FAM81A: variants seen among roughly 807,000 people sequenced by gnomAD.
FAM81A encodes the protein family with sequence similarity 81 member A, also known as protein FAM81A.
FAM81A carries 19 observed loss-of-function variants against 46.7 expected under a neutral mutation model. The ratio of observed to expected loss-of-function variants is 0.41; its 90% confidence interval spans 0.28 to 0.60. The LOEUF is 0.60. Ranked by LOEUF, FAM81A falls within the 20% of genes least tolerant of loss-of-function variation. FAM81A has a pLI of 0.34. For missense variants in FAM81A, 377 were observed against 453.5 expected, an observed-to-expected ratio of 0.83 and a Z score of 1.53; for synonymous variants, 183 against 152.9, an observed-to-expected ratio of 1.20 and a Z score of -1.45.
At chr15:59,435,572 A>G (rs547162485), upstream of FAM81A, among the ~76,000 whole-genome samples, 2 of 152,336 alleles carry the variant, frequency 1.3e-5, no homozygotes, top group African/African-American at 2.4e-5. Context: ...GTGAGCCAAG[A>G]TCGAGAGCCT....
chr15:59,451,387 G>T (rs1183245656), intron 1 of FAM81A, among the ~76,000 whole-genome samples: 1 of 152,062 alleles, frequency 6.6e-6, no homozygotes, highest in Non-Finnish European at 1.5e-5. Flanking sequence ...GGAGCCTAAT[G>T]CATCCCCCTC....
intron 1 of FAM81A, among the ~76,000 whole-genome samples, chr15:59,455,940 C>G (rs2081478120): frequency 6.6e-6 from 1 of 152,182 alleles, no homozygotes; most frequent in South Asian, 2.1e-4. Flanking sequence ...AAGTGCTGGG[C>G]ATTCACTCAT....
upstream of FAM81A, among the ~76,000 whole-genome samples, chr15:59,435,915 G>T (rs1329717602): frequency 1.3e-5 from 2 of 152,180 alleles, no homozygotes. Context: ...TAGGGAAAGA[G>T]TTGGAAAGAA....
intron 1 of FAM81A, among the ~76,000 whole-genome samples, chr15:59,442,342 G>C (rs2081307263): frequency 6.6e-6 from 1 of 152,142 alleles, no homozygotes; most frequent in African/African-American, 2.4e-5. Context: ...GCCAGGTACA[G>C]TGGCTCATGC....
chr15:59,427,177 C>G (rs1429893760), intron 2 of FAM81A, among the ~76,000 whole-genome samples: 1 of 152,176 alleles, frequency 6.6e-6, no homozygotes, highest in Non-Finnish European at 1.5e-5. Flanking sequence ...GTGGCCTGAT[C>G]TCGGCTCACT....
chr15:59,503,580 A>AT (rs112530066), intron 4 of FAM81A, among the ~76,000 whole-genome samples: 7,330 of 145,520 alleles, frequency 0.05, 218 homozygotes, highest in African/African-American at 0.077. Context: ...TTTAGCCACT[A>AT]TTTTTTTTTT....
chr15:59,507,146 A>G (rs1319447027), intron 4 of FAM81A, 67 bp from the exon 5 acceptor site: 3 of 1,543,374 alleles, frequency 1.9e-6, no homozygotes, highest in African/African-American at 1.4e-5. Context: ...TTCAGAGTGT[A>G]TAAGGAAGCT....
chr15:59,411,761 C>G (rs775201451), intron 2 of FAM81A, among the ~76,000 whole-genome samples: 1 of 152,056 alleles, frequency 6.6e-6, no homozygotes, highest in South Asian at 2.1e-4. Flanking sequence ...ACTAAAAATA[C>G]AAAAATTAGC....
intron 7 of FAM81A, among the ~76,000 whole-genome samples, chr15:59,515,443 C>T (rs2082256747): frequency 6.6e-6 from 1 of 152,082 alleles, no homozygotes; most frequent in Non-Finnish European, 1.5e-5. Flanking sequence ...TCTGACTCTG[C>T]TCTCTCCAGA....
intron 2 of FAM81A, among the ~76,000 whole-genome samples, chr15:59,431,593 T>C (rs1401841137): frequency 6.6e-6 from 1 of 151,212 alleles, no homozygotes; most frequent in Non-Finnish European, 1.5e-5. Context: ...CTCGAATTCC[T>C]GGGCTAAGTG....
intron 3 of FAM81A, among the ~76,000 whole-genome samples, chr15:59,477,668 A>G (rs1306732560): frequency 6.6e-6 from 1 of 152,232 alleles, no homozygotes; most frequent in Non-Finnish European, 1.5e-5. Context: ...TGTCTAAGAC[A>G]TAGTAGGAGC....
intron 4 of FAM81A, among the ~76,000 whole-genome samples, chr15:59,502,519 G>GTGTGTGTGTGTT (rs1258368874): frequency 2.0e-5 from 3 of 150,946 alleles, no homozygotes; most frequent in Non-Finnish European, 4.4e-5. Flanking sequence ...GTGTGTGTGT[G>GTGTGTGTGTGTT]TGTGTGTGTT....
chr15:59,511,396 A>G (rs767972433), intron 6 of FAM81A, among the ~76,000 whole-genome samples: 7 of 152,254 alleles, frequency 4.6e-5, no homozygotes, highest in Admixed American at 2.6e-4. Flanking sequence ...TTCTAAAAGA[A>G]TAAAATTGGT....
At chr15:59,479,410 C>T (rs888434416) in intron 3 of FAM81A, among the ~76,000 whole-genome samples, 15 of 148,998 alleles carry the variant, frequency 1.0e-4, no homozygotes, top group African/African-American at 3.7e-4. Context: ...GCTTGGGAGG[C>T]TGAGGCAGGA....
intron 2 of FAM81A, chr15:59,402,476 C>G (rs1183298042): frequency 6.6e-6 from 1 of 152,194 alleles, no homozygotes; most frequent in Non-Finnish European, 1.5e-5. Flanking sequence ...TAGTGGCTCA[C>G]AGGCCAACTT....
chr15:59,422,625 T>C (rs556937284), intron 2 of FAM81A, among the ~76,000 whole-genome samples: 5 of 152,056 alleles, frequency 3.3e-5, no homozygotes, highest in East Asian at 3.9e-4. Context: ...TACAGGTGCC[T>C]GCCACCACGC....
At chr15:59,421,329 T>C (rs543963413) in intron 2 of FAM81A, among the ~76,000 whole-genome samples, 1 of 152,324 alleles carries the variant, frequency 6.6e-6, no homozygotes, top group South Asian at 2.1e-4. Flanking sequence ...CCCATCACTG[T>C]AGGTCAGAAA....
intron 2 of FAM81A, among the ~76,000 whole-genome samples, chr15:59,459,370 G>A (rs2081522514): frequency 6.6e-6 from 1 of 152,160 alleles, no homozygotes. Context: ...GGATTTGCTA[G>A]CTTTTCTTGA....
At chr15:59,421,869 C>CTCTG (rs1365614082) in intron 2 of FAM81A, among the ~76,000 whole-genome samples, 23 of 147,090 alleles carry the variant, frequency 1.6e-4, no homozygotes, top group African/African-American at 5.6e-4. Context: ...ACCCTCAACC[C>CTCTG]TCTATCTATC....
Sources: allele counts gnomAD v4.1 joint callset (sites outside exome capture counted in the v4.1 genomes callset), GRCh38; gene constraint gnomAD v4.1.1; transcripts MANE v1.5; gene names NCBI Gene and HGNC (gene_info 2026-07-23, HGNC 2026-07-21).